Variants in COL24A1 observed in about 807,000 individuals in gnomAD.
COL24A1 encodes collagen type XXIV alpha 1 chain.
COL24A1 carries 224 observed loss-of-function variants against 253.9 expected under a neutral mutation model. The observed-to-expected ratio is 0.88, with a 90% CI of 0.79 to 0.99. The LOEUF is 0.99. COL24A1 is among the 50% of genes least tolerant of loss of function. The probability of loss-of-function intolerance (pLI) is 0.00; values close to 1 mark genes in which losing one functional copy is unlikely to be tolerated. For missense variants in COL24A1, 2,131 were observed against 2,068.5 expected, an observed-to-expected ratio of 1.03 and a Z score of -0.59; for synonymous variants, 685 against 673.7, an observed-to-expected ratio of 1.02 and a Z score of -0.26.
chr1:85,735,827 A>T (rs555116718), intron 58 of COL24A1, among the ~76,000 whole-genome samples: 1 of 152,196 alleles, frequency 6.6e-6, no homozygotes, highest in East Asian at 1.9e-4. Flanking sequence ...CCTACTGAGG[A>T]ATTTGTACTG....
chr1:85,759,998 C>G (rs888220600), intron 55 of COL24A1, among the ~76,000 whole-genome samples: 4 of 151,786 alleles, frequency 2.6e-5, no homozygotes, highest in Non-Finnish European at 5.9e-5. Context: ...TTGTGGGGAT[C>G]CAGGAGGAAA....
chr1:85,740,242 T>C (rs1664460215), intron 57 of COL24A1, among the ~76,000 whole-genome samples: 1 of 152,200 alleles, frequency 6.6e-6, no homozygotes, highest in African/African-American at 2.4e-5. Flanking sequence ...GTAAAGCTGC[T>C]AGACAGTAAT....
intron 35 of COL24A1, among the ~76,000 whole-genome samples, chr1:85,872,754 T>A (rs984166356): frequency 6.6e-6 from 1 of 152,074 alleles, no homozygotes; most frequent in Admixed American, 6.6e-5. Flanking sequence ...AACCTAGGCA[T>A]TACCATTCAG....
intron 2 of COL24A1, among the ~76,000 whole-genome samples, chr1:86,141,967 G>C (rs1217825513): frequency 6.6e-6 from 1 of 151,972 alleles, no homozygotes; most frequent in African/African-American, 2.4e-5. Context: ...CCAAAGTGCT[G>C]GGATTACAAG....
chr1:85,886,339 G>A (rs1194993844), intron 32 of COL24A1, among the ~76,000 whole-genome samples: 1 of 149,326 alleles, frequency 6.7e-6, no homozygotes, highest in Non-Finnish European at 1.5e-5. Flanking sequence ...GTGAGCCACC[G>A]TGCTTGGCCC....
intron 58 of COL24A1, chr1:85,736,572 AT>A (rs1352648528): frequency 4.5e-6 from 2 of 444,432 alleles, no homozygotes; most frequent in Admixed American, 2.4e-5. Flanking sequence ...ATTAAGATAA[AT>A]TGATGGAATG....
chr1:86,132,304 A>G (rs1037118207), intron 2 of COL24A1, among the ~76,000 whole-genome samples: 3 of 152,072 alleles, frequency 2.0e-5, no homozygotes, highest in Non-Finnish European at 4.4e-5. Context: ...ATTTTCTCCC[A>G]TTCTGTAGGT....
intron 24 of COL24A1, among the ~76,000 whole-genome samples, chr1:85,941,923 G>A (rs1220091320): frequency 2.6e-5 from 4 of 152,078 alleles, no homozygotes; most frequent in Admixed American, 6.5e-5. Context: ...GCACATAGTA[G>A]GTGTTCAGTA....
intron 20 of COL24A1, among the ~76,000 whole-genome samples, chr1:85,978,901 A>C (rs757302508): frequency 6.6e-6 from 1 of 152,278 alleles, no homozygotes; most frequent in Non-Finnish European, 1.5e-5. Context: ...TTTTCATCAG[A>C]GTATAGAACA....
chr1:86,035,995 T>C (rs1052451599), intron 12 of COL24A1, among the ~76,000 whole-genome samples: 1 of 152,102 alleles, frequency 6.6e-6, no homozygotes, highest in Non-Finnish European at 1.5e-5. Context: ...ATACTTACTT[T>C]CTACAACCAG....
rs1663303329 is a variant in COL24A1, at chr1:85,729,779, T to C, written c.*767A>G. ...ACAAAAACAAAGAAATCTAATTCTT[T>C]TGCGTACAAGCACAGGTTACAATGT... On this transcript the variant is annotated 3_prime_UTR_variant, in exon 60 of 60. Transcript: ENST00000370571. 6.6e-6 allele frequency: 1 copy of C among 152,566 alleles called. No individual in the cohort carries two copies. Among genetic ancestry groups the C allele is most frequent in the Non-Finnish European group, 1.5e-5 (1 of 68,044 alleles). 9.5% of individuals were successfully genotyped at this position (152,566 alleles called of 1,614,324 possible). A position where few individuals can be genotyped will look rare whatever the true frequency, so the allele number is the denominator to read the frequency against.
At chr1:86,138,341 G>A (rs1650562442) in intron 2 of COL24A1, among the ~76,000 whole-genome samples, 2 of 152,116 alleles carry the variant, frequency 1.3e-5, no homozygotes, top group Non-Finnish European at 2.9e-5. Flanking sequence ...CTTGAAGCTA[G>A]TGTCAGAAGT....
At chr1:86,112,848 C>G (rs368325267) in intron 4 of COL24A1, among the ~76,000 whole-genome samples, 1 of 152,296 alleles carries the variant, frequency 6.6e-6, no homozygotes, top group East Asian at 1.9e-4. Flanking sequence ...GAACATGAAG[C>G]AATATCTCTC....
chr1:85,984,686 T>A (rs1284506356), intron 20 of COL24A1, among the ~76,000 whole-genome samples: 1 of 151,902 alleles, frequency 6.6e-6, no homozygotes, highest in African/African-American at 2.4e-5. Context: ...TCCTTCATAC[T>A]TCTATTTCTG....
chr1:86,143,146 A>T (rs992139464), intron 2 of COL24A1, among the ~76,000 whole-genome samples: 1 of 152,232 alleles, frequency 6.6e-6, no homozygotes, highest in East Asian at 1.9e-4. Flanking sequence ...TATTCTCAGG[A>T]TGCAACTAGA....
chr1:85,886,398 G>T (rs1287634684), intron 32 of COL24A1, among the ~76,000 whole-genome samples: 1 of 151,518 alleles, frequency 6.6e-6, no homozygotes, highest in East Asian at 2.0e-4. Context: ...GGATGTGGTG[G>T]CTCACACCTG....
chr1:85,760,609 G>A (rs1160193844), intron 55 of COL24A1, among the ~76,000 whole-genome samples: 1 of 152,108 alleles, frequency 6.6e-6, no homozygotes, highest in Non-Finnish European at 1.5e-5. Context: ...CATCAGAGCA[G>A]CATGTGAAAT....
intron 5 of COL24A1, among the ~76,000 whole-genome samples, chr1:86,107,148 G>T (rs1571939703): frequency 1.3e-5 from 2 of 152,130 alleles, no homozygotes; most frequent in South Asian, 4.1e-4. Flanking sequence ...TCCTCATTGT[G>T]TTGGGAGAGA....
chr1:85,878,572 G>A (rs1023822291), intron 32 of COL24A1, among the ~76,000 whole-genome samples: 6 of 152,180 alleles, frequency 3.9e-5, no homozygotes, highest in Non-Finnish European at 7.4e-5. Context: ...GTGGACATAA[G>A]TTTTCAACTC....
Sources: gnomAD v4.1 joint callset for allele counts (sites outside exome capture counted in the v4.1 genomes callset) on GRCh38, gnomAD v4.1.1 for gene constraint, MANE v1.5 for transcripts, NCBI Gene and HGNC (gene_info 2026-07-23, HGNC 2026-07-21) for gene names.